KCNG2: variants seen among roughly 807,000 people sequenced by gnomAD.
KCNG2 encodes the protein voltage-gated potassium channel regulatory subunit KCNG2.
KCNG2 carries 7 observed loss-of-function variants against 12.3 expected under a neutral mutation model. The ratio of observed to expected loss-of-function variants is 0.57; its 90% CI spans 0.32 to 1.07. The LOEUF (loss-of-function observed/expected upper bound fraction) is 1.07, where lower values mean the gene tolerates loss of function less well. Ranked by LOEUF, KCNG2 falls within the 50% of genes least tolerant of loss-of-function variation. KCNG2 has a pLI of 0.04. For synonymous variants in KCNG2, 414 were observed against 351.4 expected, an observed-to-expected ratio of 1.18 and a Z score of -1.99; for missense variants, 703 against 726.0, an observed-to-expected ratio of 0.97 and a Z score of 0.36.
rs567621230 is a variant in KCNG2, at chr18:79,899,505, G to A, written c.1090G>A (p.Val364Ile). Reference sequence around the variant, plus strand: ...CGTGCCCGCCAGCTATTGGTGGGCCGTCATCTCCATGACCACCGTGGGCTA... The same window carrying A: ...CGTGCCCGCCAGCTATTGGTGGGCCATCATCTCCATGACCACCGTGGGCTA... The part of the protein sequence containing the change: ...SSVPASYWWA[V>I]ISMTTVGYGD... Residue 364 changes from valine (V) to isoleucine (I), a missense_variant, in exon 4 of 4, where the codon GTC (valine) becomes ATC (isoleucine). Transcript: ENST00000316249. 102 of 1,607,376 alleles carry A rather than the reference G, an allele frequency of 6.3e-5. No homozygotes were observed. The Middle Eastern group carries it at 6.6e-4, about 10-fold the overall frequency.
chr18:79,815,266 C>T (rs549300393), intron 1 of KCNG2, among the ~76,000 whole-genome samples: 1 of 151,846 alleles, frequency 6.6e-6, no homozygotes, highest in South Asian at 2.1e-4. Context: ...TAGTGAGATG[C>T]TCTCTCTACA....
At chr18:79,842,128 C>T (rs1331329542) in intron 1 of KCNG2, among the ~76,000 whole-genome samples, 1 of 152,224 alleles carries the variant, frequency 6.6e-6, no homozygotes, top group Non-Finnish European at 1.5e-5. Flanking sequence ...ATGCTCCAGG[C>T]CTACCCCAGC....
chr18:79,873,149 G>A (rs1212893690), intron 3 of KCNG2, among the ~76,000 whole-genome samples: 1 of 152,192 alleles, frequency 6.6e-6, no homozygotes. Flanking sequence ...AGGAAAACAG[G>A]AATGAGAGTT....
At chr18:79,825,844 A>T (rs931296872) in intron 1 of KCNG2, among the ~76,000 whole-genome samples, 28 of 152,336 alleles carry the variant, frequency 1.8e-4, no homozygotes, top group Admixed American at 1.5e-3. Context: ...AAATCACCTG[A>T]CCTGACCGTG....
chr18:79,812,658 C>T (rs568197112), intron 1 of KCNG2, among the ~76,000 whole-genome samples: 1 of 152,184 alleles, frequency 6.6e-6, no homozygotes, highest in East Asian at 1.9e-4. Context: ...GCCCAGAGTT[C>T]AAGACCAAGC....
At chr18:79,854,169 G>A (rs973654267) in intron 1 of KCNG2, among the ~76,000 whole-genome samples, 14 of 152,250 alleles carry the variant, frequency 9.2e-5, no homozygotes, top group Admixed American at 3.9e-4. Context: ...CTGTCCACAG[G>A]AGGAGCAGAG....
At chr18:79,867,615 C>T (rs914928004) in intron 3 of KCNG2, among the ~76,000 whole-genome samples, 3 of 151,114 alleles carry the variant, frequency 2.0e-5, no homozygotes, top group Non-Finnish European at 3.0e-5. Flanking sequence ...CCGTGAGCTC[C>T]GGGCCCTGGG....
At chr18:79,874,643 T>C (rs1358353098) in intron 3 of KCNG2, among the ~76,000 whole-genome samples, 1 of 152,244 alleles carries the variant, frequency 6.6e-6, no homozygotes, top group Non-Finnish European at 1.5e-5. Flanking sequence ...GCCGTCTGTC[T>C]GCGGGTCATT....
At chr18:79,842,493 A>G (rs772185610) in intron 1 of KCNG2, among the ~76,000 whole-genome samples, 15 of 152,214 alleles carry the variant, frequency 9.9e-5, no homozygotes, top group Non-Finnish European at 1.8e-4. Context: ...CACAAAATAA[A>G]GCACCAATAA....
intron 3 of KCNG2, among the ~76,000 whole-genome samples, chr18:79,868,295 C>T (rs529067715): frequency 2.3e-4 from 35 of 152,118 alleles, no homozygotes; most frequent in Non-Finnish European, 4.1e-4. Flanking sequence ...ATTGCTTGTC[C>T]AGTTAAGAAG....
At chr18:79,824,558 G>C (rs1012645826) in intron 1 of KCNG2, among the ~76,000 whole-genome samples, 2 of 152,176 alleles carry the variant, frequency 1.3e-5, no homozygotes, top group Non-Finnish European at 2.9e-5. Context: ...AAATATATCA[G>C]AGGTAGTGGG....
rs1178788588 is a variant in KCNG2, at chr18:79,899,661, A to AAGGAGC, written c.1249_1254dup (p.Glu417_Gln418dup). 11 of 1,607,322 alleles carry AAGGAGC rather than the reference A, an allele frequency of 6.8e-6. No individual in the cohort carries two copies. Among genetic ancestry groups the AAGGAGC allele is most frequent in the Non-Finnish European group, 8.5e-6 (10 of 1,177,682 alleles). The stretch of plus-strand genomic sequence containing the variant: ...CTTTTCGCGCTCCTACTCCGAGCTC[A>AAGGAGC]AGGAGCAGCAGCAGCGCGCGGCCAG... On this transcript the variant is annotated inframe_insertion, in exon 4 of 4. Transcript: ENST00000316249.
At chr18:79,829,044 C>CAT (rs577184634) in intron 1 of KCNG2, among the ~76,000 whole-genome samples, 2 of 79,710 alleles carry the variant, frequency 2.5e-5, no homozygotes, top group Admixed American at 1.3e-4. Context: ...TCTATGTGTG[C>CAT]GTGTGTGTAA....
In KCNG2 at chr18:79,803,107, G is replaced by A. The variant is rs2087423783; in HGVS notation, c.-115+5093G>A. 6.6e-6 allele frequency among the ~76,000 whole-genome samples: 1 copy of A among 152,206 alleles called. No individual in the cohort carries two copies. The highest frequency in any genetic ancestry group is 2.1e-4 in the South Asian group (1 of 4,834). ...GCAGGAGAATCGCTTGAACCCGGAA[G>A]GCGGAGCTTGCAGTGAGCCGAGATC... On this transcript the variant is annotated intron_variant, in intron 1 of 3. Coordinates refer to ENST00000316249, the MANE Select transcript of KCNG2 (RefSeq NM_012283.2). This position sits in a 1 kb window ranked among gnomAD's most constrained non-coding sequence, Gnocchi z 4.5.
Position 79,899,633 on chromosome 18 carries a change from C to A in KCNG2, c.1218C>A (p.His406Gln). The change falls in exon 4 of 4, where the codon CAC (histidine) becomes CAA (glutamine). Residue 406 changes from histidine to glutamine, a missense_variant. Coordinates refer to ENST00000316249, the MANE Select transcript of KCNG2 (RefSeq NM_012283.2). ...LMAFPVTSIFHTFSRSYSELK... is the reference protein window; with the variant it reads ...LMAFPVTSIFQTFSRSYSELK... ...CCTTCCCGGTCACCTCCATCTTCCA[C>A]ACCTTTTCGCGCTCCTACTCCGAGC... 1 of 1,603,928 alleles carries A rather than the reference C, an allele frequency of 6.2e-7. No individual in the cohort carries two copies. Among genetic ancestry groups the A allele is most frequent in the Non-Finnish European group, 8.5e-7 (1 of 1,175,194 alleles).
intron 3 of KCNG2, among the ~76,000 whole-genome samples, chr18:79,871,281 G>A (rs900414197): frequency 5.9e-5 from 9 of 152,234 alleles, no homozygotes; most frequent in African/African-American, 2.2e-4. Context: ...GTCTGTCGCA[G>A]CCTGTCCTGT....
intron 1 of KCNG2, among the ~76,000 whole-genome samples, chr18:79,812,388 T>C (rs1167791025): frequency 6.6e-6 from 1 of 152,160 alleles, no homozygotes; most frequent in African/African-American, 2.4e-5. Flanking sequence ...TAAAAAGTCC[T>C]GAAAAATCTC....
intron 1 of KCNG2, among the ~76,000 whole-genome samples, chr18:79,821,188 T>C (rs531119549): frequency 1.8e-4 from 28 of 152,308 alleles, no homozygotes; most frequent in Non-Finnish European, 1.0e-4. Context: ...AAGCAACCAT[T>C]GCCAAATCCA....
chr18:79,822,582 G>A lies in KCNG2; in HGVS notation c.-115+24568G>A, dbSNP rs896399291. The stretch of plus-strand genomic sequence containing the variant: ...GCCTCCCGAGTAGCTGGGGCCACAG[G>A]CGTGAGCCACCATGCCTGGCTAATT... On this transcript the variant is annotated intron_variant, in intron 1 of 3. Coordinates refer to ENST00000316249, the MANE Select transcript of KCNG2 (RefSeq NM_012283.2). This position sits in a 1 kb window ranked among gnomAD's most constrained non-coding sequence, Gnocchi z 4.4. Among the ~76,000 whole-genome samples the A allele has an allele frequency of 3.9e-5, 6 of 152,108 alleles. No homozygotes were observed. The highest frequency in any genetic ancestry group is 4.4e-5 in the Non-Finnish European group (3 of 68,026).
Sources: gnomAD v4.1 joint callset for allele counts (sites outside exome capture counted in the v4.1 genomes callset) on GRCh38, gnomAD v4.1.1 for gene constraint, Gnocchi (gnomAD v3.1) non-coding constraint, MANE v1.5 for transcripts, NCBI Gene and HGNC (gene_info 2026-07-23, HGNC 2026-07-21) for gene names.